CRTAM: variants seen among roughly 807,000 people sequenced by gnomAD.
The protein encoded by CRTAM is cytotoxic and regulatory T-cell molecule.
Under a neutral mutation model 50.0 loss-of-function variants are expected in CRTAM, and 44 were observed. The observed-to-expected ratio is 0.88, with a 90% confidence interval of 0.69 to 1.13. CRTAM has a LOEUF of 1.13. Ranked by LOEUF, CRTAM falls within the 50% of genes most tolerant of loss-of-function variation. CRTAM has a pLI of 0.00. For missense variants in CRTAM, 448 were observed against 457.5 expected (o/e 0.98, Z 0.19); for synonymous variants, 159 against 169.3 (o/e 0.94, Z 0.47).
At chr11:122,847,718 G>A (rs1861882186) in intron 1 of CRTAM, among the ~76,000 whole-genome samples, 1 of 152,190 alleles carries the variant, frequency 6.6e-6, no homozygotes, top group Non-Finnish European at 1.5e-5. Flanking sequence ...ATGCAAAGGG[G>A]CATATTTTTG....
chr11:122,871,331 A>G lies in CRTAM; in HGVS notation c.1114A>G (p.Arg372Gly). 1.2e-6 allele frequency: 2 copies of G among 1,613,836 alleles called. No homozygotes were observed. The highest frequency in any genetic ancestry group is 1.7e-6 in the Non-Finnish European group (2 of 1,179,726). ...TKLYSEAKTK[R>G]KENVQHSKLE... ...GTTGTACTCAGAAGCAAAAACAAAG[A>G]GGAAGGAAAATGTACAACATTCAAA... is the stretch of plus-strand genomic sequence containing the variant. The change falls in exon 10 of 10, where the codon AGG (arginine) becomes GGG (glycine). Residue 372 changes from arginine to glycine, a missense_variant. Transcript: ENST00000227348.
At chr11:122,865,031 T>TTA (rs1009565146) in intron 7 of CRTAM, among the ~76,000 whole-genome samples, 3 of 151,860 alleles carry the variant, frequency 2.0e-5, no homozygotes, top group African/African-American at 2.4e-5. Context: ...TCCCTTTTTT[T>TTA]TATATATATA....
chr11:122,869,610 A>G (rs1862226456), intron 9 of CRTAM, among the ~76,000 whole-genome samples: 1 of 152,200 alleles, frequency 6.6e-6, no homozygotes, highest in Middle Eastern at 3.2e-3. Flanking sequence ...TTCCAACCAT[A>G]TTATTTCCTC....
chr11:122,868,111 G>T lies in CRTAM; in HGVS notation c.1051+12G>T. 1 of 1,526,502 alleles carries T rather than the reference G, an allele frequency of 6.6e-7. No homozygotes were observed. The highest frequency in any genetic ancestry group is 9.1e-7 in the Non-Finnish European group (1 of 1,101,286). 94.6% of individuals were successfully genotyped at this position (1,526,502 alleles called of 1,614,324 possible). A position where few individuals can be genotyped will look rare whatever the true frequency, so the allele number is the denominator to read the frequency against. The stretch of plus-strand genomic sequence containing the variant: ...GAAAAATGGCCAATGTAAGTCAACT[G>T]TATGACCTGAGATCTGAACAATGAG... On this transcript the variant is annotated intron_variant, in intron 9 of 9. Transcript: ENST00000227348.
chr11:122,861,420 ATTTTTTTTTT>A (rs66619023), intron 5 of CRTAM, among the ~76,000 whole-genome samples: 8 of 25,602 alleles, frequency 3.1e-4, no homozygotes, highest in African/African-American at 1.2e-3. Context: ...ATATATATAT[ATTTTTTTTTT>A]TTTTTTTTTT....
chr11:122,841,532 C>A (rs998635468), intron 1 of CRTAM, among the ~76,000 whole-genome samples: 1 of 151,868 alleles, frequency 6.6e-6, no homozygotes, highest in Non-Finnish European at 1.5e-5. Flanking sequence ...TCCCGAGTAG[C>A]TGGGACTACA....
chr11:122,840,061 TA>T (rs1394238154), intron 1 of CRTAM, among the ~76,000 whole-genome samples: 4 of 152,232 alleles, frequency 2.6e-5, no homozygotes, highest in African/African-American at 9.6e-5. Context: ...TTCCAGAGTT[TA>T]AAGCCTTTCA....
intron 1 of CRTAM, among the ~76,000 whole-genome samples, chr11:122,848,205 C>T (rs1159222222): frequency 6.6e-6 from 1 of 152,148 alleles, no homozygotes; most frequent in African/African-American, 2.4e-5. Flanking sequence ...GGTGGAGGAC[C>T]ACTGGCTTTC....
At chr11:122,838,998 G>A (rs1178707981) in intron 1 of CRTAM, among the ~76,000 whole-genome samples, 1 of 151,986 alleles carries the variant, frequency 6.6e-6, no homozygotes, top group Non-Finnish European at 1.5e-5. Flanking sequence ...GCACGACCTC[G>A]GCTCACTGCA....
At chr11:122,857,617 T>C (rs564802577) in intron 5 of CRTAM, among the ~76,000 whole-genome samples, 3 of 152,396 alleles carry the variant, frequency 2.0e-5, no homozygotes, top group South Asian at 2.1e-4. Flanking sequence ...TCCATTTGGC[T>C]AGCTGCTACT....
At chr11:122,853,070 CTT>C (rs34068369) in intron 3 of CRTAM, among the ~76,000 whole-genome samples, 17 of 144,126 alleles carry the variant, frequency 1.2e-4, no homozygotes, top group Admixed American at 2.1e-4. Flanking sequence ...ATAAATGCAC[CTT>C]TTTTTTTTTT....
chr11:122,843,419 C>G (rs151249621), intron 1 of CRTAM, among the ~76,000 whole-genome samples: 13 of 152,260 alleles, frequency 8.5e-5, no homozygotes, highest in Non-Finnish European at 1.5e-4. Flanking sequence ...TAAACATCAC[C>G]TACCGTAGGA....
intron 6 of CRTAM, among the ~76,000 whole-genome samples, chr11:122,863,836 A>G (rs1862131400): frequency 6.6e-6 from 1 of 152,044 alleles, no homozygotes; most frequent in Non-Finnish European, 1.5e-5. Context: ...TCAGCTTTCC[A>G]TTTCTACGAT....
chr11:122,854,137 G>C (rs375720394), intron 4 of CRTAM, 51 bp downstream of exon 4: 5 of 1,584,492 alleles, frequency 3.2e-6, no homozygotes, highest in Non-Finnish European at 4.3e-6. Flanking sequence ...AAATTTCCAG[G>C]GGATTTTTAA....
intron 4 of CRTAM, 93 bp downstream of exon 4, chr11:122,854,179 C>A (rs1309678507): frequency 1.6e-6 from 2 of 1,216,730 alleles, no homozygotes; most frequent in South Asian, 1.6e-5. Flanking sequence ...GCAGACAATG[C>A]CAGAAGACAT....
At chr11:122,858,673 G>T (rs1233475984) in intron 5 of CRTAM, among the ~76,000 whole-genome samples, 1 of 152,122 alleles carries the variant, frequency 6.6e-6, no homozygotes, top group Admixed American at 6.5e-5. Context: ...GGGACTACAG[G>T]TGCACACACC....
chr11:122,850,071 C>T lies in CRTAM; in HGVS notation c.50C>T (p.Ala17Val), dbSNP rs1278179220. 1.2e-6 allele frequency: 2 copies of T among 1,606,358 alleles called. No individual in the cohort carries two copies. Among genetic ancestry groups the T allele is most frequent in the Non-Finnish European group, 1.7e-6 (2 of 1,175,224 alleles). The change falls in exon 2 of 10, where the codon GCC becomes GTC. Residue 17 changes from alanine (A) to valine (V), a missense_variant. Transcript: ENST00000227348. ...SLLAWFPLQE[A>V]SLTNHTETIT... Reference sequence around the variant, plus strand: ...CCCCATTTCTCTTCCTCCACAGAGGCCTCTCTGACTAACCACACAGAAACC... The same window carrying T: ...CCCCATTTCTCTTCCTCCACAGAGGTCTCTCTGACTAACCACACAGAAACC...
At chr11:122,870,917 A>G (rs994684587) in intron 9 of CRTAM, among the ~76,000 whole-genome samples, 4 of 152,094 alleles carry the variant, frequency 2.6e-5, no homozygotes, top group South Asian at 2.1e-4. Flanking sequence ...CGTCTCTACA[A>G]ATAATTTGAA....
intron 9 of CRTAM, 98 bp downstream of exon 9, chr11:122,868,197 T>C: frequency 2.5e-6 from 1 of 396,814 alleles, no homozygotes; most frequent in African/African-American, 3.0e-5. Context: ...TATGTGTGTG[T>C]GTGTGTGTGT....
Sources: gnomAD v4.1 joint callset for allele counts (sites outside exome capture counted in the v4.1 genomes callset) on GRCh38, gnomAD v4.1.1 for gene constraint, MANE v1.5 for transcripts, NCBI Gene and HGNC (gene_info 2026-07-23, HGNC 2026-07-21) for gene names.